Variants in PDE1C observed in about 807,000 individuals in gnomAD.
PDE1C encodes the protein phosphodiesterase 1C, also known as dual specificity calcium/calmodulin-dependent 3',5'-cyclic nucleotide phosphodiesterase 1C.
Under a neutral mutation model 93.1 loss-of-function variants are expected in PDE1C, and 62 were observed. That is an observed-to-expected ratio of 0.67 (90% CI 0.54 to 0.82). PDE1C has a LOEUF of 0.82. Ranked by LOEUF, PDE1C falls within the 40% of genes least tolerant of loss-of-function variation. The probability of loss-of-function intolerance (pLI) is 0.00; values close to 1 mark genes in which losing one functional copy is unlikely to be tolerated. For synonymous variants in PDE1C, 325 were observed against 310.1 expected (o/e 1.05, Z -0.50); for missense variants, 742 against 884.6 (o/e 0.84, Z 2.04).
rs560929059 is a variant in PDE1C at position 32,118,990 on chromosome 7, G to C, written c.308+50795C>G. On this transcript the variant is annotated intron_variant, in intron 3 of 18. Coordinates refer to the PDE1C transcript ENST00000396193. Reference sequence around the variant, plus strand: ...GGGGGGTAGAGGCAGTATCAAGCCAGATAATGTGTGGGAGGGTGCCCAAGG... The same window carrying C: ...GGGGGGTAGAGGCAGTATCAAGCCACATAATGTGTGGGAGGGTGCCCAAGG... Among the ~76,000 whole-genome samples the C allele has an allele frequency of 3.9e-5, 6 of 152,278 alleles. No homozygotes were observed. The East Asian group carries it at 1.2e-3, about 29-fold the overall frequency.
At chr7:31,758,298 A>T (rs6972814) in intron 17 of PDE1C, among the ~76,000 whole-genome samples, 22,363 of 137,282 alleles carry the variant, frequency 0.16, 1,865 homozygotes, top group Non-Finnish European at 0.19. Flanking sequence ...AGTATAATTT[A>T]AAAAATGGTA....
intron 2 of PDE1C, among the ~76,000 whole-genome samples, chr7:32,208,793 A>G (rs541834476): frequency 4.7e-4 from 72 of 152,186 alleles, no homozygotes; most frequent in Non-Finnish European, 9.0e-4. Context: ...ACACTGGTAC[A>G]GAAACCATTG....
the PDE1C span, among the ~76,000 whole-genome samples, chr7:31,631,174 C>G: frequency 2.6e-5 from 4 of 151,906 alleles, no homozygotes; most frequent in Non-Finnish European, 5.9e-5. Flanking sequence ...TTCCAAACTG[C>G]GGAAGAGCAG....
At chr7:31,662,046 A>G in the PDE1C span, among the ~76,000 whole-genome samples, 1 of 152,166 alleles carries the variant, frequency 6.6e-6, no homozygotes, top group Admixed American at 6.5e-5. Flanking sequence ...TATGTGACCT[A>G]TGCTACCTGT....
intron 2 of PDE1C, among the ~76,000 whole-genome samples, chr7:31,934,997 C>A (rs947815036): frequency 6.6e-6 from 1 of 152,148 alleles, no homozygotes; most frequent in Non-Finnish European, 1.5e-5. Flanking sequence ...CATTGTTAAA[C>A]TAATCTCATT....
At chr7:31,667,641 G>GA in the PDE1C span, among the ~76,000 whole-genome samples, 3 of 151,126 alleles carry the variant, frequency 2.0e-5, no homozygotes, top group Admixed American at 2.0e-4. Context: ...AAACAAATAT[G>GA]AAAAAAAAAG....
chr7:32,074,953 G>A (rs890054696), upstream of PDE1C, among the ~76,000 whole-genome samples: 4 of 152,200 alleles, frequency 2.6e-5, no homozygotes, highest in African/African-American at 9.6e-5. Flanking sequence ...CTCTCCTATA[G>A]ATGTCAGGGA....
At chr7:31,701,408 T>C in the PDE1C span, among the ~76,000 whole-genome samples, 1 of 152,220 alleles carries the variant, frequency 6.6e-6, no homozygotes, top group African/African-American at 2.4e-5. Context: ...TTTGAATGGA[T>C]GAAGAGTTGC....
intron 2 of PDE1C, among the ~76,000 whole-genome samples, chr7:32,205,811 G>GT (rs1291055357): frequency 6.6e-6 from 1 of 152,158 alleles, no homozygotes; most frequent in South Asian, 2.1e-4. Context: ...TTTAAGAGCT[G>GT]TAACAGTCAT....
At chr7:31,789,947 T>C in intron 16 of PDE1C, 1 of 1,193,718 alleles carries the variant, frequency 8.4e-7, no homozygotes, top group Non-Finnish European at 1.0e-6. Context: ...CAAAGGATTT[T>C]GAGGATGCCC....
intron 2 of PDE1C, among the ~76,000 whole-genome samples, chr7:31,955,540 C>T (rs775281885): frequency 9.9e-5 from 15 of 152,044 alleles, no homozygotes; most frequent in South Asian, 8.3e-4. Context: ...TAGGAATTTC[C>T]TTGTGCCCAA....
intron 1 of PDE1C, among the ~76,000 whole-genome samples, chr7:32,331,655 G>T (rs1783517162): frequency 6.6e-6 from 1 of 152,174 alleles, no homozygotes; most frequent in Admixed American, 6.5e-5. Flanking sequence ...GGTGTGAGTG[G>T]TGGAAGTGGG....
the PDE1C span, among the ~76,000 whole-genome samples, chr7:31,679,212 A>G: frequency 6.6e-6 from 1 of 152,188 alleles, no homozygotes; most frequent in African/African-American, 2.4e-5. Flanking sequence ...AGATGGGAGA[A>G]GAAAGCCAAA....
intron 9 of PDE1C, among the ~76,000 whole-genome samples, chr7:31,847,592 C>G (rs1159331265): frequency 1.3e-5 from 2 of 151,856 alleles, no homozygotes; most frequent in Non-Finnish European, 2.9e-5. Flanking sequence ...CAGTTGAACA[C>G]TGTTAGAAGT....
In PDE1C at chr7:31,989,547, A is replaced by C. The variant is rs181552854; in HGVS notation, c.128+62007T>G. ...TGGCGTATATATATGCACAACAATGAGGTTTTTGCCTTCAGTCAAGTGGTT... is the reference window on the plus strand; with the variant it reads ...TGGCGTATATATATGCACAACAATGCGGTTTTTGCCTTCAGTCAAGTGGTT... On this transcript the variant is annotated intron_variant, in intron 2 of 17. Coordinates refer to ENST00000396191, the MANE Select transcript of PDE1C (RefSeq NM_001191057.4). 5.3e-4 allele frequency among the ~76,000 whole-genome samples: 80 copies of C among 152,268 alleles called. 1 individual carries two copies. The highest frequency in any genetic ancestry group is 1.9e-3 in the African/African-American group (77 of 41,512).
At chr7:32,327,101 C>T (rs145381353) in intron 1 of PDE1C, among the ~76,000 whole-genome samples, 10 of 152,298 alleles carry the variant, frequency 6.6e-5, no homozygotes, top group South Asian at 2.1e-4. Context: ...GAAACATCTC[C>T]GTAATCCATT....
the PDE1C span, among the ~76,000 whole-genome samples, chr7:31,735,939 C>T: frequency 6.6e-6 from 1 of 152,168 alleles, no homozygotes; most frequent in Admixed American, 6.5e-5. Context: ...CTATGCACAT[C>T]CTCCCATATA....
chr7:32,024,046 A>C (rs1218462811), intron 2 of PDE1C, among the ~76,000 whole-genome samples: 3 of 152,184 alleles, frequency 2.0e-5, no homozygotes, highest in Non-Finnish European at 2.9e-5. Context: ...GTGAGCCTCT[A>C]TGCATCTATC....
At chr7:31,842,380 A>T (rs1562903013) in intron 9 of PDE1C, among the ~76,000 whole-genome samples, 1 of 152,052 alleles carries the variant, frequency 6.6e-6, no homozygotes, top group Non-Finnish European at 1.5e-5. Context: ...TCTGTTCTTT[A>T]CATATTGATA....
Sources: gnomAD v4.1 joint callset for allele counts (sites outside exome capture counted in the v4.1 genomes callset) on GRCh38, gnomAD v4.1.1 for gene constraint, MANE v1.5 for transcripts, NCBI Gene and HGNC (gene_info 2026-07-23, HGNC 2026-07-21) for gene names.